CSNK1G2: variants seen among roughly 807,000 people sequenced by gnomAD.
CSNK1G2 encodes casein kinase I isoform gamma-2.
In CSNK1G2, 11 loss-of-function variants were observed where a neutral mutation model predicts 48.0. The ratio of observed to expected loss-of-function variants is 0.23; its 90% confidence interval spans 0.14 to 0.38. CSNK1G2 has a LOEUF of 0.38. CSNK1G2 is among the 10% of genes least tolerant of loss of function. The probability of loss-of-function intolerance (pLI) is 1.00; values close to 1 mark genes in which losing one functional copy is unlikely to be tolerated. For synonymous variants in CSNK1G2, 337 were observed against 254.1 expected (o/e 1.33, Z -3.10); for missense variants, 446 against 595.5 (o/e 0.75, Z 2.61).
chr19:1,967,117 T>C (rs2015388451), intron 1 of CSNK1G2, among the ~76,000 whole-genome samples: 1 of 152,172 alleles, frequency 6.6e-6, no homozygotes, highest in African/African-American at 2.4e-5. Context: ...AACTTGTGTG[T>C]GCACTGGGAA....
Position 1,969,831 on chromosome 19 carries a change from A to C in CSNK1G2, c.59A>C (p.Lys20Thr). Reference protein sequence around the residue: ...GETEEGRRMSKAGGGRSSHGI... With the variant: ...GETEEGRRMSTAGGGRSSHGI... ...ACGGAGGAGGGCCGGAGAATGTCCAAGGCCGGCGGGGGCCGGAGCAGCCAC... is the reference window on the plus strand; with the variant it reads ...ACGGAGGAGGGCCGGAGAATGTCCACGGCCGGCGGGGGCCGGAGCAGCCAC... Residue 20 changes from lysine to threonine, a missense_variant, in exon 2 of 12, where the codon AAG becomes ACG. Around this residue, in one of 2 missense-constraint regions of CSNK1G2, gnomAD observed 258 missense variants for 415.9 expected, o/e 0.62. Transcript: ENST00000255641. 1.5e-6 allele frequency: 2 copies of C among 1,311,028 alleles called. No homozygotes were observed. The highest frequency in any genetic ancestry group is 2.0e-6 in the Non-Finnish European group (2 of 1,021,206). 81.2% of individuals were successfully genotyped at this position (1,311,028 alleles called of 1,614,324 possible).
chr19:1,950,772 G>A (rs1280403981), intron 1 of CSNK1G2, among the ~76,000 whole-genome samples: 1 of 146,294 alleles, frequency 6.8e-6, no homozygotes, highest in Non-Finnish European at 1.5e-5. Context: ...AGTGTCAGGT[G>A]GGGACCTGGC....
In CSNK1G2 at chr19:1,979,739, C is replaced by G. The variant is rs1000628849; in HGVS notation, c.1003-13C>G. 1 of 1,604,964 alleles carries G rather than the reference C, an allele frequency of 6.2e-7. No homozygotes were observed. ...GCTGCAGCCCATCCTGACCCCTGCT[C>G]CCTCACCCACAGCCGACCCCCATCG... On this transcript the variant is annotated splice_polypyrimidine_tract_variant and intron_variant, in intron 9 of 11. Transcript: ENST00000255641.
rs750499976 is a variant in CSNK1G2 at position 1,978,597 on chromosome 19, C to T, written c.299-5C>T. The stretch of plus-strand genomic sequence containing the variant: ...GCACGCCCGTGCGTCTGTCCTCCGC[C>T]GCAGAGGGCGTCCCTCAGGTCTACT... On this transcript the variant is annotated splice_polypyrimidine_tract_variant and splice_region_variant and intron_variant, in intron 4 of 11. Transcript: ENST00000255641. This position sits in a 1 kb window ranked among gnomAD's most constrained non-coding sequence, Gnocchi z 7.3. 18 of 1,590,302 alleles carry T rather than the reference C, an allele frequency of 1.1e-5. No homozygotes were observed. The highest frequency in any genetic ancestry group is 2.7e-5 in the African/African-American group (2 of 74,524).
intron 1 of CSNK1G2, chr19:1,954,213 C>T (rs937137192): frequency 1.1e-5 from 4 of 354,732 alleles, no homozygotes; most frequent in African/African-American, 2.1e-5. Flanking sequence ...GTGGAGGGCG[C>T]CCTTCCGTCT....
At chr19:1,964,114 G>A (rs1483365455) in intron 1 of CSNK1G2, among the ~76,000 whole-genome samples, 1 of 152,040 alleles carries the variant, frequency 6.6e-6, no homozygotes, top group Non-Finnish European at 1.5e-5. Context: ...ATGAGCCACC[G>A]CTCCTGGCCT....
At chr19:1,966,096 C>T (rs1187225890) in intron 1 of CSNK1G2, among the ~76,000 whole-genome samples, 2 of 152,236 alleles carry the variant, frequency 1.3e-5, no homozygotes, top group Admixed American at 1.3e-4. Context: ...ACCGCAGCCG[C>T]CCATGACTCT....
At chr19:1,944,907 C>T (rs993131984) in intron 1 of CSNK1G2, among the ~76,000 whole-genome samples, 1 of 152,232 alleles carries the variant, frequency 6.6e-6, no homozygotes, top group Admixed American at 6.5e-5. Flanking sequence ...TGTAGTGGGG[C>T]AGGAACCTCT....
At chr19:1,953,948 G>A (rs1188378679) in intron 1 of CSNK1G2, 3 of 533,860 alleles carry the variant, frequency 5.6e-6, no homozygotes, top group Admixed American at 3.9e-5. Context: ...GGTGAGGTTG[G>A]CTTCTGCCAT....
intron 2 of CSNK1G2, among the ~76,000 whole-genome samples, chr19:1,977,933 T>G (rs1018122295): frequency 3.3e-5 from 5 of 152,002 alleles, no homozygotes; most frequent in Non-Finnish European, 5.9e-5. Flanking sequence ...GCCGAGGGCC[T>G]CGGGCATGTG....
At chr19:1,951,253 A>G (rs2145507889) in intron 1 of CSNK1G2, among the ~76,000 whole-genome samples, 1 of 144,388 alleles carries the variant, frequency 6.9e-6, no homozygotes, top group African/African-American at 2.7e-5. Context: ...AATACAAAAA[A>G]TTAGCCGGGC....
intron 1 of CSNK1G2, among the ~76,000 whole-genome samples, chr19:1,952,020 CT>C (rs2014782171): frequency 6.6e-6 from 1 of 152,266 alleles, no homozygotes; most frequent in Non-Finnish European, 1.5e-5. Context: ...GAAACAGGAC[CT>C]TAAGCTGAGA....
At chr19:1,941,876 C>T (rs902922705) in intron 1 of CSNK1G2, among the ~76,000 whole-genome samples, 2 of 151,106 alleles carry the variant, frequency 1.3e-5, no homozygotes, top group Non-Finnish European at 3.0e-5. Context: ...CTTCTTCCCC[C>T]ACCCAGTGCT....
intron 2 of CSNK1G2, chr19:1,975,668 A>G: frequency 5.1e-6 from 5 of 985,226 alleles, no homozygotes; most frequent in Non-Finnish European, 6.0e-6. Context: ...GCTGGACTGA[A>G]CCTGCAGCTG....
At chr19:1,960,091 C>T (rs970255216) in intron 1 of CSNK1G2, among the ~76,000 whole-genome samples, 7 of 152,178 alleles carry the variant, frequency 4.6e-5, no homozygotes, top group East Asian at 1.9e-4. Flanking sequence ...ATGTAGGGTC[C>T]GGAGCTTCCC....
intron 1 of CSNK1G2, among the ~76,000 whole-genome samples, chr19:1,966,772 A>G (rs1440324395): frequency 1.3e-5 from 2 of 152,216 alleles, no homozygotes; most frequent in Non-Finnish European, 2.9e-5. Context: ...CCAACGAGTC[A>G]GCCGCCGTCC....
At chr19:1,970,670 A>G (rs1052639671) in intron 2 of CSNK1G2, among the ~76,000 whole-genome samples, 16 of 152,186 alleles carry the variant, frequency 1.1e-4, no homozygotes, top group African/African-American at 3.9e-4. Context: ...AGGGAGCTGA[A>G]TCATCCCCGG....
At chr19:1,972,406 G>C (rs1165341963) in intron 2 of CSNK1G2, among the ~76,000 whole-genome samples, 2 of 152,180 alleles carry the variant, frequency 1.3e-5, no homozygotes, top group African/African-American at 4.8e-5. Flanking sequence ...CCGTTGTCTA[G>C]AATGTTCTAG....
intron 1 of CSNK1G2, among the ~76,000 whole-genome samples, chr19:1,965,241 GC>G (rs1461388246): frequency 6.6e-6 from 1 of 150,512 alleles, no homozygotes; most frequent in Non-Finnish European, 1.5e-5. Flanking sequence ...AAATTAACCG[GC>G]CGTGGTGGCG....
Sources: allele counts gnomAD v4.1 joint callset (sites outside exome capture counted in the v4.1 genomes callset), GRCh38; gene constraint gnomAD v4.1.1; regional missense constraint gnomAD v4.1.1; non-coding constraint Gnocchi (gnomAD v3.1); transcripts MANE v1.5; gene names NCBI Gene and HGNC (gene_info 2026-07-23, HGNC 2026-07-21).